Variants in CIB4 observed in about 807,000 individuals in gnomAD.
CIB4 encodes the protein calcium and integrin binding family member 4, also known as calcium and integrin-binding family member 4.
A neutral mutation model predicts 25.8 loss-of-function variants in CIB4; 25 were observed. The ratio of observed to expected loss-of-function variants is 0.97; its 90% CI spans 0.71 to 1.35. The LOEUF is 1.35. Ranked by LOEUF, CIB4 falls within the 40% of genes most tolerant of loss-of-function variation. The pLI is 0.00. For synonymous variants in CIB4, 75 were observed against 81.4 expected (o/e 0.92, Z 0.42); for missense variants, 235 against 228.2 (o/e 1.03, Z -0.19).
At chr2:26,603,528 G>C (rs1215854905) in intron 3 of CIB4, among the ~76,000 whole-genome samples, 1 of 152,150 alleles carries the variant, frequency 6.6e-6, no homozygotes. Context: ...AGCTGGACTT[G>C]AAAATATCAA....
rs189173186 is a variant in CIB4 at position 26,581,332 on chromosome 2, G to A, written c.*31C>T. On this transcript the variant is annotated 3_prime_UTR_variant, in exon 7 of 7. Transcript: ENST00000288861. ...GGGTTCGATTCCTGTGGTCTCCCTCGAGGCTGCCATGTCAGGTGTTTGCCG... is the reference window on the plus strand; with the variant it reads ...GGGTTCGATTCCTGTGGTCTCCCTCAAGGCTGCCATGTCAGGTGTTTGCCG... 50 of 1,603,580 alleles carry A rather than the reference G, an allele frequency of 3.1e-5. No homozygotes were observed. The highest frequency in any genetic ancestry group is 4.5e-5 in the East Asian group (2 of 44,822).
intron 3 of CIB4, among the ~76,000 whole-genome samples, chr2:26,604,047 A>G (rs942783225): frequency 6.6e-6 from 1 of 151,572 alleles, no homozygotes; most frequent in Non-Finnish European, 1.5e-5. Context: ...AACTACATCA[A>G]TGCACAGCAT....
At chr2:26,590,686 T>C (rs1363611783) in intron 4 of CIB4, among the ~76,000 whole-genome samples, 3 of 152,196 alleles carry the variant, frequency 2.0e-5, no homozygotes, top group South Asian at 2.1e-4. Context: ...GACAGCTCTG[T>C]AAAGAAACCT....
chr2:26,595,439 G>T, intron 3 of CIB4, 122 bp from the exon 4 acceptor site: 2 of 1,107,440 alleles, frequency 1.8e-6, no homozygotes, highest in Non-Finnish European at 2.6e-6. Context: ...CAGCCACAAT[G>T]TAAATATCGG....
chr2:26,608,855 C>T (rs188374063), intron 3 of CIB4, among the ~76,000 whole-genome samples: 2 of 152,304 alleles, frequency 1.3e-5, no homozygotes, highest in Admixed American at 6.5e-5. Flanking sequence ...CACCCCCACC[C>T]CGGGGCCCAC....
chr2:26,629,781 C>T (rs1365035685), intron 2 of CIB4, among the ~76,000 whole-genome samples: 4 of 152,150 alleles, frequency 2.6e-5, no homozygotes, highest in Non-Finnish European at 4.4e-5. Flanking sequence ...GAAAGTTAGG[C>T]GAATATGCCC....
chr2:26,628,704 A>G (rs1669356070), intron 3 of CIB4, among the ~76,000 whole-genome samples: 1 of 152,172 alleles, frequency 6.6e-6, no homozygotes, highest in African/African-American at 2.4e-5. Context: ...GCAGGTTGGG[A>G]GGACAGTCTC....
At chr2:26,589,101 CT>C (rs1312124365) in intron 4 of CIB4, among the ~76,000 whole-genome samples, 2 of 117,160 alleles carry the variant, frequency 1.7e-5, no homozygotes, top group South Asian at 2.9e-4. Flanking sequence ...TCTTCTTCTT[CT>C]TCTTCCTCTT....
chr2:26,591,847 G>A (rs1268022982), intron 4 of CIB4, among the ~76,000 whole-genome samples: 12 of 152,210 alleles, frequency 7.9e-5, no homozygotes, highest in South Asian at 4.1e-4. Context: ...GCTGAGAGCC[G>A]GCAAGAAGTC....
chr2:26,602,070 C>A (rs1301728915), intron 3 of CIB4, among the ~76,000 whole-genome samples: 2 of 152,140 alleles, frequency 1.3e-5, no homozygotes, highest in African/African-American at 4.8e-5. Flanking sequence ...TGCCTTTATG[C>A]ATTTCTGGAA....
At chr2:26,617,016 A>T (rs765228345) in intron 3 of CIB4, among the ~76,000 whole-genome samples, 4 of 152,098 alleles carry the variant, frequency 2.6e-5, no homozygotes, top group Admixed American at 6.5e-5. Context: ...TAGAGCACAC[A>T]TGGTCACTCC....
At chr2:26,588,198 C>A (rs1304952899) in intron 4 of CIB4, among the ~76,000 whole-genome samples, 1 of 152,252 alleles carries the variant, frequency 6.6e-6, no homozygotes, top group Non-Finnish European at 1.5e-5. Flanking sequence ...CTCTCAGAGA[C>A]CCTGCGGTGT....
intron 2 of CIB4, among the ~76,000 whole-genome samples, chr2:26,634,312 T>G (rs1358782543): frequency 1.3e-5 from 2 of 152,252 alleles, no homozygotes; most frequent in African/African-American, 2.4e-5. Flanking sequence ...ATTTTCTAAA[T>G]GGTCCTTCTT....
chr2:26,626,144 G>A (rs1360709746), intron 3 of CIB4, among the ~76,000 whole-genome samples: 2 of 152,188 alleles, frequency 1.3e-5, no homozygotes, highest in African/African-American at 4.8e-5. Flanking sequence ...TAGCCTTATA[G>A]TATAGTTAGC....
At chr2:26,605,901 G>A (rs1304632597) in intron 3 of CIB4, among the ~76,000 whole-genome samples, 1 of 152,154 alleles carries the variant, frequency 6.6e-6, no homozygotes, top group Non-Finnish European at 1.5e-5. Context: ...ACTCCATCGA[G>A]CATTTAATTA....
Position 26,582,959 on chromosome 2 carries a change from G to A in CIB4, c.439-46C>T, listed in dbSNP as rs1444048350. The A allele has an allele frequency of 3.0e-6, 4 of 1,329,422 alleles. No homozygotes were observed. The East Asian group carries it at 6.9e-5, about 23-fold the overall frequency. The allele number at this position is 1,329,422 out of a possible 1,614,324, so 82.4% of individuals were successfully genotyped here. On this transcript the variant is annotated intron_variant, in intron 5 of 6. Transcript: ENST00000288861. ...ACAGTTGAGTGGAACCCCATGTCAG[G>A]CAGTGAGGTGGGGCACAGGGTGGAG...
intron 3 of CIB4, among the ~76,000 whole-genome samples, chr2:26,620,658 A>G (rs1418926560): frequency 6.6e-6 from 1 of 152,136 alleles, no homozygotes; most frequent in South Asian, 2.1e-4. Flanking sequence ...CCTTCAGTGA[A>G]GCTCCCAGTT....
intron 4 of CIB4, among the ~76,000 whole-genome samples, chr2:26,584,859 G>T (rs755784050): frequency 1.3e-5 from 2 of 152,134 alleles, no homozygotes; most frequent in Non-Finnish European, 2.9e-5. Context: ...AGACTTCTGG[G>T]GGCCGCACTG....
At chr2:26,620,329 T>G (rs1322846989) in intron 3 of CIB4, among the ~76,000 whole-genome samples, 2 of 152,134 alleles carry the variant, frequency 1.3e-5, no homozygotes, top group Non-Finnish European at 2.9e-5. Context: ...GAAAGGAAGG[T>G]CAATTGCAAG....
Sources: gnomAD v4.1 joint callset for allele counts (sites outside exome capture counted in the v4.1 genomes callset) on GRCh38, gnomAD v4.1.1 for gene constraint, MANE v1.5 for transcripts, NCBI Gene and HGNC (gene_info 2026-07-23, HGNC 2026-07-21) for gene names.